PCDHA6: variants seen among roughly 807,000 people sequenced by gnomAD.
The protein encoded by PCDHA6 is protocadherin alpha-6.
A neutral mutation model predicts 60.3 loss-of-function variants in PCDHA6; 55 were observed. The observed-to-expected ratio is 0.91, with a 90% CI of 0.73 to 1.14. PCDHA6 has a LOEUF of 1.14. Among genes scored for constraint, PCDHA6 ranks in the 50% most tolerant of loss-of-function variants. PCDHA6 has a pLI of 0.00. For synonymous variants in PCDHA6, 652 were observed against 557.9 expected, an observed-to-expected ratio of 1.17 and a Z score of -2.38; for missense variants, 1,327 against 1,256.5, an observed-to-expected ratio of 1.06 and a Z score of -0.85.
chr5:140,929,257 C>T, intron 1 of PCDHA6: 2 of 1,612,972 alleles, frequency 1.2e-6, no homozygotes, highest in Non-Finnish European at 1.7e-6. Context: ...TGGGGTAGGA[C>T]TGAATTTGCC....
chr5:140,843,170 A>C lies in PCDHA6; in HGVS notation c.2394+12685A>C, dbSNP rs781918147. Reference sequence around the variant, plus strand: ...GTATGAGCTGCAGCCAGCTGCAAGCAGCCCTCGCATCCCGTTCCGCGTGGG... The same window carrying C: ...GTATGAGCTGCAGCCAGCTGCAAGCCGCCCTCGCATCCCGTTCCGCGTGGG... On this transcript the variant is annotated intron_variant, in intron 1 of 3. Coordinates refer to ENST00000529310, the MANE Select transcript of PCDHA6 (RefSeq NM_018909.4). 12 of 1,595,956 alleles carry C rather than the reference A, an allele frequency of 7.5e-6. 1 individual carries two copies. The highest frequency in any genetic ancestry group is 8.6e-6 in the Non-Finnish European group (10 of 1,165,596).
rs182605806 is a variant in PCDHA6 at position 140,924,980 on chromosome 5, T to C, written c.2395-53969T>C. On this transcript the variant is annotated intron_variant, in intron 1 of 3. Transcript: ENST00000529310. ...TGCAAGGTGAGTGCAGTGGCTCATG[T>C]CTGTAATCCTAGCACTTTAGGAGGC... is the stretch of plus-strand genomic sequence containing the variant. Among the ~76,000 whole-genome samples, 408 of 150,900 alleles carry C rather than the reference T, an allele frequency of 2.7e-3. 2 individuals are homozygous for C. The highest frequency in any genetic ancestry group is 0.014 in the Middle Eastern group (4 of 288).
Position 140,870,063 on chromosome 5 carries a change from G to A in PCDHA6, c.2394+39578G>A. ...ACAAGTTTTATAAAATTGAAGTACA[G>A]GCTACAGATAAGGGGACTCCCCCAA... On this transcript the variant is annotated intron_variant, in intron 1 of 3. Transcript: ENST00000529310. 1.9e-6 allele frequency: 3 copies of A among 1,613,854 alleles called. No homozygotes were observed. The East Asian group carries it at 6.7e-5, about 36-fold the overall frequency.
intron 1 of PCDHA6, chr5:140,857,618 C>T: frequency 6.3e-7 from 1 of 1,596,552 alleles, no homozygotes; most frequent in Non-Finnish European, 8.6e-7. Flanking sequence ...GCCGCTGGAC[C>T]ACGAGGAGCT....
chr5:140,885,310 G>T (rs1554182115), intron 1 of PCDHA6, among the ~76,000 whole-genome samples: 1 of 152,038 alleles, frequency 6.6e-6, no homozygotes. Context: ...TAGGCTTTTT[G>T]TTATTATTTC....
intron 1 of PCDHA6, chr5:140,968,403 T>C (rs1554230673): frequency 6.2e-7 from 1 of 1,613,984 alleles, no homozygotes; most frequent in Non-Finnish European, 8.5e-7. Context: ...CGGGAGTTCT[T>C]TGTGACTGTG....
intron 1 of PCDHA6, chr5:140,843,893 C>A: frequency 1.5e-6 from 1 of 677,036 alleles, no homozygotes; most frequent in South Asian, 2.1e-5. Context: ...CAGTATTAAT[C>A]ATTCTCCACA....
At chr5:140,927,688 G>C in intron 1 of PCDHA6, 1 of 1,614,062 alleles carries the variant, frequency 6.2e-7, no homozygotes, top group Non-Finnish European at 8.5e-7. Context: ...AGGGTCCAAT[G>C]GGGAAGTCCA....
chr5:140,962,889 A>G (rs1554226313), intron 1 of PCDHA6, among the ~76,000 whole-genome samples: 2 of 152,220 alleles, frequency 1.3e-5, no homozygotes, highest in Admixed American at 6.5e-5. Flanking sequence ...GAATTAAAAA[A>G]TGAAAACTAG....
intron 3 of PCDHA6, among the ~76,000 whole-genome samples, chr5:140,994,922 G>A (rs184710391): frequency 4.6e-5 from 7 of 152,342 alleles, no homozygotes; most frequent in African/African-American, 9.6e-5. Context: ...ATCAGATTTT[G>A]TAGGACCTTA....
Position 140,857,884 on chromosome 5 carries a change from G to C in PCDHA6, c.2394+27399G>C, listed in dbSNP as rs782097827. 60 of 1,597,656 alleles carry C rather than the reference G, an allele frequency of 3.8e-5. 6 individuals carry two copies. Among genetic ancestry groups the C allele is most frequent in the Non-Finnish European group, 5.0e-5 (58 of 1,167,502 alleles). On this transcript the variant is annotated intron_variant, in intron 1 of 3. Transcript: ENST00000529310. ...CGTGGCTGTCGTATGAATTGCAGTC[G>C]GCGGCGGTTGGTGCACGCATCCCGT...
chr5:140,856,168 C>T lies in PCDHA6; in HGVS notation c.2394+25683C>T, dbSNP rs781959235. On this transcript the variant is annotated intron_variant, in intron 1 of 3. Transcript: ENST00000529310. ...ACTCAGTCTACGAGGAGGCCAGACA[C>T]GGCACCTTCGTGGGCCGCATCGCGC... 25 of 1,598,198 alleles carry T rather than the reference C, an allele frequency of 1.6e-5. 4 individuals carry two copies. The highest frequency in any genetic ancestry group is 2.1e-5 in the Non-Finnish European group (24 of 1,167,912).
At chr5:140,877,166 T>C in intron 1 of PCDHA6, 3 of 1,613,836 alleles carry the variant, frequency 1.9e-6, no homozygotes, top group Non-Finnish European at 2.5e-6. Context: ...GCGCCGGCAC[T>C]GCTGGCGACT....
intron 1 of PCDHA6, chr5:140,842,493 C>A: frequency 6.2e-7 from 1 of 1,613,856 alleles, no homozygotes; most frequent in Non-Finnish European, 8.5e-7. Context: ...TCCCTGATGC[C>A]CCATGTCCCC....
At chr5:140,870,390 G>T (rs377600629) in intron 1 of PCDHA6, 248 of 1,614,112 alleles carry the variant, frequency 1.5e-4, no homozygotes, top group Non-Finnish European at 1.8e-4. Context: ...CGCGGGATGG[G>T]GGTTCGCCTT....
chr5:140,877,220 G>C (rs560974692), intron 1 of PCDHA6: 2 of 1,613,740 alleles, frequency 1.2e-6, no homozygotes, highest in East Asian at 2.2e-5. Context: ...TTGGTACCGC[G>C]GTCGGTGGGT....
intron 1 of PCDHA6, chr5:140,866,390 T>C (rs2049324113): frequency 6.6e-6 from 1 of 152,134 alleles, no homozygotes; most frequent in Non-Finnish European, 1.5e-5. Flanking sequence ...TTTAAAGACA[T>C]AGATTCCCAT....
intron 1 of PCDHA6, chr5:140,876,005 T>C: frequency 6.2e-7 from 1 of 1,613,854 alleles, no homozygotes; most frequent in African/African-American, 1.3e-5. Context: ...AATGAGAATT[T>C]TGAGCTTAAA....
intron 1 of PCDHA6, chr5:140,856,917 G>T: frequency 6.3e-7 from 1 of 1,595,592 alleles, no homozygotes; most frequent in South Asian, 1.1e-5. Flanking sequence ...ACGATAAGAA[G>T]GAAATTTTGG....
Sources: gnomAD v4.1 joint callset for allele counts (sites outside exome capture counted in the v4.1 genomes callset) on GRCh38, gnomAD v4.1.1 for gene constraint, MANE v1.5 for transcripts, NCBI Gene and HGNC (gene_info 2026-07-23, HGNC 2026-07-21) for gene names.